The following VIPR2 variants were observed in gnomAD, a reference collection of about 807,000 sequenced individuals.
VIPR2 encodes the protein vasoactive intestinal polypeptide receptor 2.
A neutral mutation model predicts 58.0 loss-of-function variants in VIPR2; 48 were observed. The observed-to-expected ratio is 0.83, with a 90% confidence interval of 0.66 to 1.05. The LOEUF (loss-of-function observed/expected upper bound fraction) is 1.05. Ranked by LOEUF, VIPR2 falls within the 50% of genes least tolerant of loss-of-function variation. The pLI is 0.00. For missense variants in VIPR2, 534 were observed against 558.0 expected, an observed-to-expected ratio of 0.96 and a Z score of 0.43; for synonymous variants, 243 against 235.2, an observed-to-expected ratio of 1.03 and a Z score of -0.30.
intron 4 of VIPR2, among the ~76,000 whole-genome samples, chr7:159,072,008 C>T (rs57174056): frequency 0.025 from 3,584 of 142,334 alleles, 139 homozygotes; most frequent in African/African-American, 0.084. Flanking sequence ...ACGATGGTAC[C>T]GGCAGGTAAG....
At chr7:159,092,033 A>G (rs1248053735) in intron 4 of VIPR2, among the ~76,000 whole-genome samples, 2 of 152,204 alleles carry the variant, frequency 1.3e-5, no homozygotes, top group Non-Finnish European at 2.9e-5. Context: ...CGGAGGTTGC[A>G]GTGAGCCAAG....
chr7:159,038,699 T>G (rs1416644155), intron 6 of VIPR2, among the ~76,000 whole-genome samples: 1 of 152,110 alleles, frequency 6.6e-6, no homozygotes, highest in African/African-American at 2.4e-5. Context: ...AAACTGCAGA[T>G]GAACCAAGAC....
intron 5 of VIPR2, among the ~76,000 whole-genome samples, chr7:159,056,336 G>C (rs944867260): frequency 2.0e-5 from 3 of 151,886 alleles, no homozygotes; most frequent in African/African-American, 7.3e-5. Context: ...TGTATCTGCA[G>C]GCTTCTCATC....
intron 5 of VIPR2, among the ~76,000 whole-genome samples, chr7:159,044,012 T>C (rs1854501189): frequency 6.6e-6 from 1 of 152,130 alleles, no homozygotes; most frequent in Admixed American, 6.5e-5. Context: ...AATCAGAGAA[T>C]CCCACAAGCT....
chr7:159,034,867 G>T (rs979986376), intron 8 of VIPR2, among the ~76,000 whole-genome samples: 3 of 152,186 alleles, frequency 2.0e-5, no homozygotes, highest in African/African-American at 4.8e-5. Flanking sequence ...AGGAGGAATG[G>T]AGGTGCGGCC....
In VIPR2 at chr7:159,097,083, G is replaced by T. The variant is rs541731297; in HGVS notation, c.357+6674C>A. The stretch of plus-strand genomic sequence containing the variant: ...TCCTGGCACCCTGGGAGGCTGGTGT[G>T]TCCTTGCAGGGTTGCAGGAGGGTTG... On this transcript the variant is annotated intron_variant, in intron 4 of 12. Coordinates refer to ENST00000262178, the MANE Select transcript of VIPR2 (RefSeq NM_003382.5). This position sits in a 1 kb window ranked among gnomAD's most constrained non-coding sequence, Gnocchi z 5.3. 2 of 1,532,394 alleles carry T rather than the reference G, an allele frequency of 1.3e-6. No individual in the cohort carries two copies. The highest frequency in any genetic ancestry group is 2.0e-5 in the Admixed American group (1 of 49,664). 94.9% of individuals were successfully genotyped at this position (1,532,394 alleles called of 1,614,324 possible).
At position 159,053,156 on chromosome 7, in the gene VIPR2, C is replaced by T. The variant is rs114259463; in HGVS notation, c.455+5325G>A. ...TCTAAGACAGGGTGTCTCACTCTGT[C>T]GCCCAGGCTGGTCTCAAACTCCTGG... On this transcript the variant is annotated intron_variant, in intron 5 of 12. Coordinates refer to ENST00000262178, the MANE Select transcript of VIPR2 (RefSeq NM_003382.5). 4.3e-3 allele frequency among the ~76,000 whole-genome samples: 654 copies of T among 151,978 alleles called. 1 individual carries two copies. The highest frequency in any genetic ancestry group is 0.015 in the African/African-American group (623 of 41,428).
intron 2 of VIPR2, chr7:159,116,902 G>A: frequency 6.0e-6 from 1 of 167,896 alleles, no homozygotes; most frequent in Admixed American, 5.8e-5. Flanking sequence ...GGCTCTTACA[G>A]ATGACGTTAT....
intron 2 of VIPR2, among the ~76,000 whole-genome samples, chr7:159,118,899 T>C (rs1425616045): frequency 6.6e-6 from 1 of 152,216 alleles, no homozygotes; most frequent in African/African-American, 2.4e-5. Context: ...GCACAGCGCT[T>C]TGTGCACTCC....
chr7:159,104,727 T>G (rs1033559675), intron 3 of VIPR2, among the ~76,000 whole-genome samples: 1 of 131,952 alleles, frequency 7.6e-6, no homozygotes, highest in Non-Finnish European at 1.6e-5. Flanking sequence ...CGACGGTGAC[T>G]GGGTGCCCCA....
chr7:159,051,467 C>A (rs1002215864), intron 5 of VIPR2, among the ~76,000 whole-genome samples: 1 of 151,988 alleles, frequency 6.6e-6, no homozygotes, highest in Non-Finnish European at 1.5e-5. Context: ...TCAAAAGAAA[C>A]AAGAATATGT....
Position 159,029,944 on chromosome 7 carries a change from C to G in VIPR2, c.*672G>C, listed in dbSNP as rs1472970519. On this transcript the variant is annotated 3_prime_UTR_variant, in exon 13 of 13. Transcript: ENST00000262178. The stretch of plus-strand genomic sequence containing the variant: ...TCTGTCCTGCAGATGAGGGGGCTAC[C>G]CTTATGGGACCTGGGAGGCCGCCCT... 6.6e-6 allele frequency: 1 copy of G among 152,240 alleles called. No homozygotes were observed. The highest frequency in any genetic ancestry group is 2.4e-5 in the African/African-American group (1 of 41,448). 9.4% of individuals were successfully genotyped at this position (152,240 alleles called of 1,614,324 possible).
In VIPR2 at chr7:159,132,851, CCGATTGATTTT is replaced by C. The variant is rs1563355263; in HGVS notation, c.151+9584_151+9594del. The stretch of plus-strand genomic sequence containing the variant: ...GATTTGAGACAGAATGATTGGCATA[CCGATTGATTTT>C]AGACAGAATGATTGGCATACAGATT... On this transcript the variant is annotated intron_variant, in intron 2 of 12. Coordinates refer to ENST00000262178, the MANE Select transcript of VIPR2 (RefSeq NM_003382.5). Among the ~76,000 whole-genome samples, 98 of 122,210 alleles carry C rather than the reference CCGATTGATTTT, an allele frequency of 8.0e-4. 1 individual carries two copies. The highest frequency in any genetic ancestry group is 7.5e-4 in the South Asian group (3 of 3,980). The allele number at this position is 122,210 out of a possible 152,430, so 80.2% of individuals were successfully genotyped here. A position where few individuals can be genotyped will look rare whatever the true frequency, so the allele number is the denominator to read the frequency against.
intron 3 of VIPR2, among the ~76,000 whole-genome samples, chr7:159,106,203 G>C (rs1425335173): frequency 6.6e-6 from 1 of 152,226 alleles, no homozygotes; most frequent in East Asian, 1.9e-4. Flanking sequence ...CCTTCCTACG[G>C]GAGATCAGTG....
At chr7:159,108,742 T>C (rs1795872966) in intron 3 of VIPR2, among the ~76,000 whole-genome samples, 1 of 152,172 alleles carries the variant, frequency 6.6e-6, no homozygotes, top group Admixed American at 6.5e-5. Flanking sequence ...AACCATGCCA[T>C]CGACTAGGAA....
At chr7:159,126,235 T>C (rs927155714) in intron 2 of VIPR2, among the ~76,000 whole-genome samples, 1 of 152,208 alleles carries the variant, frequency 6.6e-6, no homozygotes, top group African/African-American at 2.4e-5. Flanking sequence ...TTACTCTCAC[T>C]CCTACAGAAT....
At position 159,031,977 on chromosome 7, in the gene VIPR2, T is replaced by C. The variant is rs1169299238; in HGVS notation, c.1062A>G (p.Lys354=). 1.2e-6 allele frequency: 2 copies of C among 1,614,060 alleles called. No homozygotes were observed. Among genetic ancestry groups the C allele is most frequent in the East Asian group, 4.5e-5 (2 of 44,860 alleles). The change falls in exon 11 of 13, where the codon AAA becomes AAG. Residue 354 remains lysine (K), a synonymous_variant. Coordinates refer to ENST00000262178, the MANE Select transcript of VIPR2 (RefSeq NM_003382.5). The surrounding 1 kb of genome is among the most constrained non-coding windows in gnomAD (Gnocchi z 4.0). ...FAVFPISISS[K]YQILFELCLG... is the part of the protein sequence containing the mutation. ...GGCACAGCTCAAACAGTATCTGGTA[T>C]TTGGAGGAGATGCTGATGGGAAACA...
rs553721046 is a variant in VIPR2, at chr7:159,044,566, T to C, written c.456-1390A>G. ...TCATAGGCAACAACTTTAAATAAAG[T>C]GTCTTAAATATGCTTAAAGAGTGCA... On this transcript the variant is annotated intron_variant, in intron 5 of 12. Coordinates refer to ENST00000262178, the MANE Select transcript of VIPR2 (RefSeq NM_003382.5). Among the ~76,000 whole-genome samples, 7 of 148,836 alleles carry C rather than the reference T, an allele frequency of 4.7e-5. No homozygotes were observed. In the East Asian group the frequency reaches 1.2e-3, roughly 25 times the overall value.
At chr7:159,104,806 G>A (rs749065026) in intron 3 of VIPR2, among the ~76,000 whole-genome samples, 84 of 146,562 alleles carry the variant, frequency 5.7e-4, no homozygotes, top group Non-Finnish European at 1.0e-3. Flanking sequence ...CCGGGTGCCC[G>A]GCCTGCCCCA....
Sources: gnomAD v4.1 joint callset for allele counts (sites outside exome capture counted in the v4.1 genomes callset) on GRCh38, gnomAD v4.1.1 for gene constraint, Gnocchi (gnomAD v3.1) non-coding constraint, MANE v1.5 for transcripts, NCBI Gene and HGNC (gene_info 2026-07-23, HGNC 2026-07-21) for gene names.